Variants in ZNF850 observed in about 807,000 individuals in gnomAD.
The protein encoded by ZNF850 is zinc finger protein 850.
A neutral mutation model predicts 11.9 loss-of-function variants in ZNF850; 2 were observed. That is an observed-to-expected ratio of 0.17 (90% CI 0.07 to 0.53). The LOEUF is 0.53. Ranked by LOEUF, ZNF850 falls within the 20% of genes least tolerant of loss-of-function variation. The pLI, the probability that ZNF850 is intolerant of heterozygous loss-of-function variation, is 0.94. For missense variants in ZNF850, 1,014 were observed against 1,316.4 expected (o/e 0.77, Z 3.55); for synonymous variants, 381 against 443.0 (o/e 0.86, Z 1.76).
intron 1 of ZNF850, among the ~76,000 whole-genome samples, chr19:36,772,186 G>A (rs2040588982): frequency 6.6e-6 from 1 of 152,126 alleles, no homozygotes; most frequent in East Asian, 1.9e-4. Flanking sequence ...ACCCCCCTGT[G>A]GAGTTTTCCT....
chr19:36,751,065 T>TAAAAA (rs34721047), intron 4 of ZNF850, among the ~76,000 whole-genome samples: 10 of 89,410 alleles, frequency 1.1e-4, no homozygotes, highest in Middle Eastern at 7.6e-3. Context: ...GACCCTGTCT[T>TAAAAA]AAAAAAAAAA....
chr19:36,761,470 T>A (rs886652093), intron 4 of ZNF850, among the ~76,000 whole-genome samples, 173 bp downstream of exon 4: 14 of 151,790 alleles, frequency 9.2e-5, no homozygotes, highest in African/African-American at 3.4e-4. Context: ...AATAAAATTT[T>A]AAAAAGTGTG....
chr19:36,748,446 C>A lies in ZNF850; in HGVS notation c.2594G>T (p.Gly865Val), dbSNP rs2040427329. The A allele has an allele frequency of 6.4e-7, 1 of 1,556,744 alleles. No individual in the cohort carries two copies. The change falls in exon 5 of 5, where the codon GGT (glycine) becomes GTT (valine). Residue 865 changes from glycine (G) to valine (V), a missense_variant. This residue lies in a region of ZNF850 where 179 missense variants were observed against 294.4 expected (regional missense o/e 0.61). Transcript: ENST00000591344. ...TTCCTTACAATGATAGGGTTTCTCACCAGTGTGAATTCGCTGATGTTCAAT... is the reference window on the plus strand; with the variant it reads ...TTCCTTACAATGATAGGGTTTCTCAACAGTGTGAATTCGCTGATGTTCAAT... ...TLIEHQRIHTGEKPYHCKECG... is the reference protein window; with the variant it reads ...TLIEHQRIHTVEKPYHCKECG...
rs1231737744 is a variant in ZNF850, at chr19:36,746,704, CTT to C, written c.*1061_*1062del. On this transcript the variant is annotated 3_prime_UTR_variant, in exon 5 of 5. Transcript: ENST00000591344. ...ATCCAAAGGAGAAGGTGCGCACAGA[CTT>C]TAGTTTTGCTTGCTTTCTTTCCAGC... The C allele has an allele frequency of 1.3e-5, 2 of 152,140 alleles. No homozygotes were observed. Among genetic ancestry groups the C allele is most frequent in the Non-Finnish European group, 2.9e-5 (2 of 68,028 alleles). 9.4% of individuals were successfully genotyped at this position (152,140 alleles called of 1,614,324 possible).
At chr19:36,753,178 A>G (rs896543278) in intron 4 of ZNF850, among the ~76,000 whole-genome samples, 1 of 151,328 alleles carries the variant, frequency 6.6e-6, no homozygotes, top group Non-Finnish European at 1.5e-5. Context: ...CTGAGGCAGA[A>G]GAATTGCTTA....
intron 1 of ZNF850, among the ~76,000 whole-genome samples, chr19:36,769,911 C>A (rs1213534258): frequency 6.6e-6 from 1 of 152,212 alleles, no homozygotes; most frequent in Non-Finnish European, 1.5e-5. Flanking sequence ...AAACTGGTCC[C>A]CTTTCAGACA....
chr19:36,753,008 G>A (rs759706964), intron 4 of ZNF850, among the ~76,000 whole-genome samples: 8 of 152,062 alleles, frequency 5.3e-5, no homozygotes, highest in Non-Finnish European at 7.4e-5. Context: ...GGTGGCACAC[G>A]CCTGTAATCT....
At chr19:36,762,982 C>T (rs2040528421) in intron 1 of ZNF850, among the ~76,000 whole-genome samples, 4 of 151,998 alleles carry the variant, frequency 2.6e-5, no homozygotes, top group Admixed American at 2.6e-4. Flanking sequence ...CCTCAACCTC[C>T]CAGGCTCAGG....
Position 36,744,733 on chromosome 19 carries a change from G to C in ZNF850, c.*3034C>G, listed in dbSNP as rs2040401203. 6.6e-6 allele frequency: 1 copy of C among 152,258 alleles called. No homozygotes were observed. Among genetic ancestry groups the C allele is most frequent in the East Asian group, 1.9e-4 (1 of 5,184 alleles). 9.4% of individuals were successfully genotyped at this position (152,258 alleles called of 1,614,324 possible). On this transcript the variant is annotated 3_prime_UTR_variant, in exon 5 of 5. Transcript: ENST00000591344. ...AAGGAAGCAGTTACAAAAACATGGA[G>C]AATAATAAATGACAGAGTAAGAATT...
intron 4 of ZNF850, among the ~76,000 whole-genome samples, chr19:36,751,802 T>C (rs8105119): frequency 0.026 from 3,789 of 143,976 alleles, 154 homozygotes; most frequent in African/African-American, 0.092. Flanking sequence ...TAAATAATAA[T>C]AACAACATTG....
rs1048798961 is a variant in ZNF850 at position 36,747,677 on chromosome 19, T to A, written c.*90A>T. The A allele has an allele frequency of 3.2e-6, 4 of 1,232,658 alleles. No homozygotes were observed. Among genetic ancestry groups the A allele is most frequent in the African/African-American group, 3.1e-5 (2 of 65,386 alleles). The allele number at this position is 1,232,658 out of a possible 1,614,324, so 76.4% of individuals were successfully genotyped here. ...GTCGTAATTCTGGAAAAAGTGAATA[T>A]GAAGTAATACACATCCATTGTATTT... On this transcript the variant is annotated 3_prime_UTR_variant, in exon 5 of 5. Transcript: ENST00000591344.
Position 36,747,796 on chromosome 19 carries a change from G to C in ZNF850, c.3244C>G (p.Arg1082Gly), listed in dbSNP as rs748367330. The change falls in exon 5 of 5, where the codon CGA becomes GGA. Residue 1082 changes from arginine to glycine, a missense_variant. By Grantham distance (125) the Arg-to-Gly change is moderately radical. Transcript: ENST00000591344. Reference sequence around the variant, plus strand: ...GTTAGGTCATGAATTCTCTGATGTCGAGTAAGCTGTGTAAGCTGTTTAAAG... The same window carrying C: ...GTTAGGTCATGAATTCTCTGATGTCCAGTAAGCTGTGTAAGCTGTTTAAAG... Reference protein sequence around the residue: ...KAFKQLTQLTRHQRIHDLT With the variant: ...KAFKQLTQLTGHQRIHDLT 7 of 1,540,048 alleles carry C rather than the reference G, an allele frequency of 4.5e-6. No individual in the cohort carries two copies. Among genetic ancestry groups the C allele is most frequent in the Non-Finnish European group, 6.1e-6 (7 of 1,147,738 alleles).
chr19:36,766,176 G>A (rs1459805128), intron 1 of ZNF850, among the ~76,000 whole-genome samples: 2 of 152,202 alleles, frequency 1.3e-5, no homozygotes, highest in Non-Finnish European at 2.9e-5. Context: ...ACAGGCATGA[G>A]CCACTGAGCC....
intron 4 of ZNF850, among the ~76,000 whole-genome samples, chr19:36,760,789 C>T (rs955856852): frequency 6.6e-6 from 1 of 151,702 alleles, no homozygotes; most frequent in Admixed American, 6.6e-5. Flanking sequence ...TACTTGAACC[C>T]GGGAAGTGGA....
At position 36,762,324 on chromosome 19, in the gene ZNF850, G is replaced by A. The variant is rs45615637; in HGVS notation, c.120C>T (p.Tyr40=). 2.5e-6 allele frequency: 4 copies of A among 1,579,616 alleles called. No individual in the cohort carries two copies. The highest frequency in any genetic ancestry group is 3.4e-6 in the Non-Finnish European group (4 of 1,169,852). The change falls in exon 3 of 5, where the codon TAC becomes TAT. Residue 40 remains tyrosine, a synonymous_variant. Coordinates refer to ENST00000591344, the MANE Select transcript of ZNF850 (RefSeq NM_001193552.2). The part of the protein sequence containing the change: ...DLYRDVMMEN[Y]SSLVSLGLSI... ...CCTTACCTAGTGAGACCAGGCTGCT[G>A]TAGTTCTCCATCATTACATCTCTGT... is the stretch of plus-strand genomic sequence containing the variant.
Position 36,747,894 on chromosome 19 carries a change from G to T in ZNF850, c.3146C>A (p.Ala1049Asp). The change falls in exon 5 of 5, where the codon GCC (alanine) becomes GAC (aspartate). Residue 1049 changes from alanine (A) to aspartate (D), a missense_variant. Ala to Asp is a moderately radical substitution (Grantham distance 126). Around this residue, in one of 2 missense-constraint regions of ZNF850, gnomAD observed 179 missense variants for 294.4 expected, o/e 0.61. Coordinates refer to ENST00000591344, the MANE Select transcript of ZNF850 (RefSeq NM_001193552.2). Reference protein sequence around the residue: ...CPECGKAFFYASGLSRHQSVH... With the variant: ...CPECGKAFFYDSGLSRHQSVH... ...ACTCTGATGTCGGCTGAGTCCTGAG[G>T]CATAGAAAAAGGCTTTCCCACATTC... The T allele has an allele frequency of 6.4e-7, 1 of 1,566,546 alleles. No homozygotes were observed. Among genetic ancestry groups the T allele is most frequent in the Non-Finnish European group, 8.6e-7 (1 of 1,161,016 alleles).
chr19:36,751,396 G>A (rs1458727384), intron 4 of ZNF850, among the ~76,000 whole-genome samples: 1 of 151,942 alleles, frequency 6.6e-6, no homozygotes, highest in Non-Finnish European at 1.5e-5. Flanking sequence ...TAGGAAAAAA[G>A]GACATTAGGT....
chr19:36,756,133 T>TG (rs2040485282), intron 4 of ZNF850, among the ~76,000 whole-genome samples: 1 of 151,976 alleles, frequency 6.6e-6, no homozygotes, highest in Non-Finnish European at 1.5e-5. Context: ...CTCAATCTCC[T>TG]GACCTTGTGA....
intron 4 of ZNF850, 82 bp downstream of exon 4, chr19:36,761,561 C>A: frequency 4.1e-6 from 3 of 733,086 alleles, no homozygotes; most frequent in Non-Finnish European, 6.6e-6. Context: ...GACTCCTCAA[C>A]CAATACCTGT....
Sources: gnomAD v4.1 joint callset for allele counts (sites outside exome capture counted in the v4.1 genomes callset) on GRCh38, gnomAD v4.1.1 for gene constraint, gnomAD v4.1.1 regional missense constraint, MANE v1.5 for transcripts, NCBI Gene and HGNC (gene_info 2026-07-23, HGNC 2026-07-21) for gene names.